The following EDIL3 variants were observed in gnomAD, a reference collection of about 807,000 sequenced individuals.
The protein encoded by EDIL3 is EGF like and discoidin domains 3, also known as EGF-like repeat and discoidin I-like domain-containing protein 3.
EDIL3 carries 37 observed loss-of-function variants against 67.4 expected under a neutral mutation model. The ratio of observed to expected loss-of-function variants is 0.55; its 90% CI spans 0.42 to 0.72. The LOEUF is 0.72. EDIL3 is among the 30% of genes least tolerant of loss of function. EDIL3 has a pLI of 0.00. For missense variants in EDIL3, 527 were observed against 586.3 expected, an observed-to-expected ratio of 0.90 and a Z score of 1.04; for synonymous variants, 195 against 196.3, an observed-to-expected ratio of 0.99 and a Z score of 0.05.
chr5:84,246,983 T>C (rs1744920752), intron 2 of EDIL3, among the ~76,000 whole-genome samples: 1 of 152,200 alleles, frequency 6.6e-6, no homozygotes, highest in African/African-American at 2.4e-5. Flanking sequence ...ATTATATTTG[T>C]TTGTATGAAC....
intron 1 of EDIL3, among the ~76,000 whole-genome samples, chr5:84,350,194 T>C (rs1489793976): frequency 1.3e-5 from 2 of 152,140 alleles, no homozygotes; most frequent in East Asian, 1.9e-4. Flanking sequence ...AAAAATCTTA[T>C]GCCTACTATC....
At chr5:84,166,353 TC>T (rs1245067638) in intron 4 of EDIL3, among the ~76,000 whole-genome samples, 1 of 152,150 alleles carries the variant, frequency 6.6e-6, no homozygotes, top group East Asian at 1.9e-4. Flanking sequence ...TTGTTTGTTC[TC>T]CCTTGTTGTT....
chr5:84,158,304 C>T (rs1748530504), intron 4 of EDIL3, among the ~76,000 whole-genome samples: 1 of 151,936 alleles, frequency 6.6e-6, no homozygotes, highest in Non-Finnish European at 1.5e-5. Flanking sequence ...GAATACTGCT[C>T]AGATATTTTA....
chr5:84,147,643 A>G (rs79069530), intron 4 of EDIL3, among the ~76,000 whole-genome samples: 2,558 of 152,102 alleles, frequency 0.017, 74 homozygotes, highest in African/African-American at 0.058. Flanking sequence ...ATACGTTTTT[A>G]CCAAGTGGGG....
chr5:84,140,191 A>G (rs1472725135), intron 4 of EDIL3, among the ~76,000 whole-genome samples: 2 of 152,144 alleles, frequency 1.3e-5, no homozygotes, highest in Non-Finnish European at 2.9e-5. Flanking sequence ...AAAAGATTTG[A>G]TGTTAATAGG....
chr5:84,100,716 TATA>T (rs1747347965), intron 6 of EDIL3, among the ~76,000 whole-genome samples: 1 of 152,106 alleles, frequency 6.6e-6, no homozygotes, highest in African/African-American at 2.4e-5. Flanking sequence ...GAACTTAAAG[TATA>T]ATAAATTAAA....
intron 1 of EDIL3, among the ~76,000 whole-genome samples, chr5:84,360,815 G>A (rs1353036132): frequency 2.0e-5 from 3 of 152,070 alleles, no homozygotes; most frequent in Non-Finnish European, 4.4e-5. Flanking sequence ...TATATTGCTA[G>A]TATTGGCATC....
chr5:84,090,277 C>T (rs1261138411), intron 6 of EDIL3, among the ~76,000 whole-genome samples: 2 of 152,162 alleles, frequency 1.3e-5, no homozygotes, highest in African/African-American at 2.4e-5. Context: ...TGTCTTGATG[C>T]CATCCATTGC....
chr5:84,221,269 A>G (rs1171928577), intron 3 of EDIL3, among the ~76,000 whole-genome samples: 1 of 152,120 alleles, frequency 6.6e-6, no homozygotes, highest in Non-Finnish European at 1.5e-5. Context: ...CTGATTTTAC[A>G]GTCTGGGGGC....
At chr5:84,307,935 C>A (rs1313245577) in intron 1 of EDIL3, among the ~76,000 whole-genome samples, 1 of 152,088 alleles carries the variant, frequency 6.6e-6, no homozygotes, top group Non-Finnish European at 1.5e-5. Context: ...GATGCCAGAT[C>A]ATGTAGAACT....
chr5:84,358,972 C>T (rs76100260), intron 1 of EDIL3, among the ~76,000 whole-genome samples: 2,732 of 152,160 alleles, frequency 0.018, 41 homozygotes, highest in Middle Eastern at 0.031. Flanking sequence ...AACTGTGGTA[C>T]ATTTGGGGGG....
chr5:84,342,959 C>CA (rs1747156179), intron 1 of EDIL3, among the ~76,000 whole-genome samples: 1 of 152,054 alleles, frequency 6.6e-6, no homozygotes, highest in Admixed American at 6.6e-5. Flanking sequence ...TTCTAACTTT[C>CA]AGAGCCGAAA....
chr5:84,000,698 C>G (rs922541103), intron 9 of EDIL3, among the ~76,000 whole-genome samples: 1 of 151,764 alleles, frequency 6.6e-6, no homozygotes, highest in Non-Finnish European at 1.5e-5. Context: ...TGACAGTATT[C>G]CAGAATAGAC....
In EDIL3 at chr5:84,180,194, C is replaced by G. The variant is rs891078699; in HGVS notation, c.355+199G>C. 1.2e-3 allele frequency among the ~76,000 whole-genome samples: 180 copies of G among 152,192 alleles called. 1 individual carries two copies. The highest frequency in any genetic ancestry group is 4.1e-3 in the African/African-American group (172 of 41,538). ...ACCAGAAGACTACAAACTTCCCATG[C>G]CACTGGGAGGATTGAAACACAGTCT... On this transcript the variant is annotated intron_variant, in intron 4 of 10. Transcript: ENST00000296591.
intron 1 of EDIL3, among the ~76,000 whole-genome samples, chr5:84,339,333 G>A (rs527749110): frequency 1.3e-5 from 2 of 152,202 alleles, no homozygotes; most frequent in Admixed American, 1.3e-4. Context: ...CACACAGTGT[G>A]CAAAATATAA....
At chr5:84,081,782 G>C (rs1306291091) in intron 6 of EDIL3, among the ~76,000 whole-genome samples, 2 of 152,168 alleles carry the variant, frequency 1.3e-5, no homozygotes, top group Non-Finnish European at 2.9e-5. Flanking sequence ...AATAATTGCT[G>C]TTGAAACATT....
At chr5:84,237,778 A>T in intron 2 of EDIL3, among the ~76,000 whole-genome samples, 1 of 152,178 alleles carries the variant, frequency 6.6e-6, no homozygotes, top group East Asian at 1.9e-4. Flanking sequence ...ATTTTTTAAA[A>T]AAAGGACTAT....
At chr5:84,190,760 T>C (rs1365642078) in intron 3 of EDIL3, among the ~76,000 whole-genome samples, 1 of 151,886 alleles carries the variant, frequency 6.6e-6, no homozygotes, top group Non-Finnish European at 1.5e-5. Flanking sequence ...TTGCCACCTA[T>C]ACTGCATGAT....
At chr5:84,091,395 C>A (rs188492003) in intron 6 of EDIL3, among the ~76,000 whole-genome samples, 3 of 152,260 alleles carry the variant, frequency 2.0e-5, no homozygotes, top group Admixed American at 2.0e-4. Flanking sequence ...TAATTTCTAA[C>A]CTAAATATGG....
Sources: gnomAD v4.1 joint callset for allele counts (sites outside exome capture counted in the v4.1 genomes callset) on GRCh38, gnomAD v4.1.1 for gene constraint, MANE v1.5 for transcripts, NCBI Gene and HGNC (gene_info 2026-07-23, HGNC 2026-07-21) for gene names.